The following MYBPC2 variants were observed in gnomAD, a reference collection of about 807,000 sequenced individuals.
The protein encoded by MYBPC2 is myosin-binding protein C, fast-type.
Under a neutral mutation model 137.0 loss-of-function variants are expected in MYBPC2, and 122 were observed. That is an observed-to-expected ratio of 0.89 (90% CI 0.77 to 1.03). The LOEUF (loss-of-function observed/expected upper bound fraction) is 1.03. MYBPC2 is among the 50% of genes least tolerant of loss of function. The pLI is 0.00. For synonymous variants in MYBPC2, 626 were observed against 612.3 expected (o/e 1.02, Z -0.33); for missense variants, 1,500 against 1,534.4 (o/e 0.98, Z 0.37).
chr19:50,439,491 C>G (rs10414400), intron 7 of MYBPC2, among the ~76,000 whole-genome samples: 4,723 of 151,664 alleles, frequency 0.031, 255 homozygotes, highest in African/African-American at 0.11. Context: ...CACTCACTCT[C>G]TCACCCATCA....
In MYBPC2 at chr19:50,440,947, AT is replaced by A; in HGVS notation, c.643del (p.Trp215GlyfsTer4). The A allele has an allele frequency of 6.2e-7, 1 of 1,613,874 alleles. No homozygotes were observed. The highest frequency in any genetic ancestry group is 1.6e-4 in the Middle Eastern group (1 of 6,062). ...CGATGACCTAGGCATCCCCCCGGAG[AT>A]TTGGGAGCTCCTGAAAGGGGCAAAG... ...DDDDLGIPPE[I>X]WELLKGAKKS... On this transcript the variant is annotated frameshift_variant, in exon 8 of 28. Transcript: ENST00000357701. LOFTEE classifies it high-confidence loss of function.
rs1222271317 is a variant in MYBPC2, at chr19:50,466,022, G to C, written c.3416-173G>C. Among the ~76,000 whole-genome samples, 19 of 152,160 alleles carry C rather than the reference G, an allele frequency of 1.2e-4. No individual in the cohort carries two copies. Among genetic ancestry groups the C allele is most frequent in the Non-Finnish European group, 2.9e-5 (2 of 68,028 alleles). Reference sequence around the variant, plus strand: ...TCCCCATCTGGGATCCAAAATACCAGTAATCAGGAGCACTGTGACTCTGGG... The same window carrying C: ...TCCCCATCTGGGATCCAAAATACCACTAATCAGGAGCACTGTGACTCTGGG... On this transcript the variant is annotated intron_variant, in intron 27 of 27. Coordinates refer to ENST00000357701, the MANE Select transcript of MYBPC2 (RefSeq NM_004533.4). The surrounding 1 kb of genome is among the most constrained non-coding windows in gnomAD (Gnocchi z 4.9).
Position 50,464,389 on chromosome 19 carries a change from A to G in MYBPC2, c.3272A>G (p.Asp1091Gly), listed in dbSNP as rs1249885313. ...WMKNKMEIREDPKFLITNYQG... is the reference protein window; with the variant it reads ...WMKNKMEIREGPKFLITNYQG... ...AAGAACAAGATGGAAATCCGTGAAGATCCCAAGTTCCTGATAACCAATTAC... is the reference window on the plus strand; with the variant it reads ...AAGAACAAGATGGAAATCCGTGAAGGTCCCAAGTTCCTGATAACCAATTAC... Residue 1091 changes from aspartate to glycine, a missense_variant, in exon 27 of 28, where the codon GAT becomes GGT. Asp to Gly is a moderately conservative substitution (Grantham distance 94, BLOSUM62 -1). Transcript: ENST00000357701. 1 of 1,611,130 alleles carries G rather than the reference A, an allele frequency of 6.2e-7. No homozygotes were observed. Among genetic ancestry groups the G allele is most frequent in the East Asian group, 2.2e-5 (1 of 44,838 alleles).
At chr19:50,450,081 C>T (rs2039842460) in intron 13 of MYBPC2, among the ~76,000 whole-genome samples, 1 of 152,038 alleles carries the variant, frequency 6.6e-6, no homozygotes, top group Non-Finnish European at 1.5e-5. Flanking sequence ...CATTTGAACC[C>T]AGGAGGGGGA....
Position 50,435,705 on chromosome 19 carries a change from C to T in MYBPC2, c.110-71C>T. On this transcript the variant is annotated intron_variant, in intron 2 of 27. Transcript: ENST00000357701. This position sits in a 1 kb window ranked among gnomAD's most constrained non-coding sequence, Gnocchi z 4.8. ...GCCCTCACTGTCTCTAAGTCCTTTC[C>T]CCAAAGCGGCCCACTGTCCCCTCCC... 7.6e-7 allele frequency: 1 copy of T among 1,318,902 alleles called. No homozygotes were observed. The highest frequency in any genetic ancestry group is 1.0e-6 in the Non-Finnish European group (1 of 959,122). The allele number at this position is 1,318,902 out of a possible 1,614,324, so 81.7% of individuals were successfully genotyped here. A position where few individuals can be genotyped will look rare whatever the true frequency, so the allele number is the denominator to read the frequency against.
chr19:50,440,674 AAACC>A (rs2039744731), intron 7 of MYBPC2, among the ~76,000 whole-genome samples: 1 of 151,160 alleles, frequency 6.6e-6, no homozygotes, highest in African/African-American at 2.4e-5. Context: ...AAAAAAAAAA[AAACC>A]AAAAAACCCA....
Position 50,450,918 on chromosome 19 carries a change from C to T in MYBPC2, c.1562C>T (p.Ala521Val). Reference protein sequence around the residue: ...VPDGYALSLSAKLNFLEIKVE... With the variant: ...VPDGYALSLSVKLNFLEIKVE... The stretch of plus-strand genomic sequence containing the variant: ...GACGGCTACGCCCTGTCGCTCTCGG[C>T]CAAGCTCAACTTCCTGGGTGAGGAT... Residue 521 changes from alanine to valine, a missense_variant, in exon 14 of 28, where the codon GCC (alanine) becomes GTC (valine). Physicochemically the swap from Ala to Val is moderately conservative, Grantham distance 64. Transcript: ENST00000357701. 4.5e-6 allele frequency: 7 copies of T among 1,568,824 alleles called. No homozygotes were observed. Among genetic ancestry groups the T allele is most frequent in the Non-Finnish European group, 6.0e-6 (7 of 1,157,222 alleles).
intron 16 of MYBPC2, among the ~76,000 whole-genome samples, chr19:50,453,440 G>A (rs1287301444): frequency 6.6e-6 from 1 of 152,226 alleles, no homozygotes. Context: ...CCTGAAGGAT[G>A]AGGAAGAGCT....
intron 20 of MYBPC2, among the ~76,000 whole-genome samples, chr19:50,456,229 T>TCATCCATCCATC (rs143679406): frequency 1.4e-5 from 2 of 144,828 alleles, no homozygotes; most frequent in Non-Finnish European, 3.0e-5. Context: ...TTCCATCTAT[T>TCATCCATCCATC]CATCCATCCA....
Position 50,458,973 on chromosome 19 carries a change from G to C in MYBPC2, c.2562G>C (p.Val854=). ...RHLRQTYIRK[V]GEQLNLVVPF... ...TCCGCCAGACCTACATCCGCAAAGT[G>C]GGCGAGCAGCTCAACCTTGTCGTCC... The change falls in exon 22 of 28, where the codon GTG becomes GTC. Residue 854 remains valine, a synonymous_variant. Coordinates refer to ENST00000357701, the MANE Select transcript of MYBPC2 (RefSeq NM_004533.4). The C allele has an allele frequency of 6.2e-7, 1 of 1,612,746 alleles. No homozygotes were observed. Among genetic ancestry groups the C allele is most frequent in the Admixed American group, 1.7e-5 (1 of 59,972 alleles).
rs774261811 is a variant in MYBPC2 at position 50,432,916 on chromosome 19, G to GC, written c.-37dup. On this transcript the variant is annotated 5_prime_UTR_variant, in exon 1 of 28. Coordinates refer to ENST00000357701, the MANE Select transcript of MYBPC2 (RefSeq NM_004533.4). The surrounding 1 kb of genome is among the most constrained non-coding windows in gnomAD (Gnocchi z 5.5). Reference sequence around the variant, plus strand: ...TGTCCTCCCTAGGGCCTAGCGGGACGCGGCTGCGGTCAGAGGAGCAGGAGG... The same window carrying GC: ...TGTCCTCCCTAGGGCCTAGCGGGACGCCGGCTGCGGTCAGAGGAGCAGGAGG... The GC allele has an allele frequency of 7.3e-5, 117 of 1,602,166 alleles. No homozygotes were observed. The highest frequency in any genetic ancestry group is 5.2e-4 in the Admixed American group (31 of 59,090).
rs1055211701 is a variant in MYBPC2 at position 50,435,291 on chromosome 19, C to T, written c.109+41C>T. ...CTCGGGCTCAACCGACCTGGCTTCTCATCTCCATCCTCCTCGCTACGCCTC... is the reference window on the plus strand; with the variant it reads ...CTCGGGCTCAACCGACCTGGCTTCTTATCTCCATCCTCCTCGCTACGCCTC... On this transcript the variant is annotated intron_variant, in intron 2 of 27. Transcript: ENST00000357701. This position sits in a 1 kb window ranked among gnomAD's most constrained non-coding sequence, Gnocchi z 4.8. 2 of 742,390 alleles carry T rather than the reference C, an allele frequency of 2.7e-6. No individual in the cohort carries two copies. Among genetic ancestry groups the T allele is most frequent in the Non-Finnish European group, 4.9e-6 (2 of 408,144 alleles). The allele number at this position is 742,390 out of a possible 1,614,324, so 46.0% of individuals were successfully genotyped here. A position where few individuals can be genotyped will look rare whatever the true frequency, so the allele number is the denominator to read the frequency against.
At chr19:50,441,892 A>G (rs1255961855) in intron 8 of MYBPC2, among the ~76,000 whole-genome samples, 1 of 151,666 alleles carries the variant, frequency 6.6e-6, no homozygotes, top group East Asian at 1.9e-4. Context: ...AATAAAATAA[A>G]TAAATAAAAA....
rs1236232310 is a variant in MYBPC2, at chr19:50,466,258, C to G, written c.*53C>G. ...TGGTGGTGGAGTCCTGACCCCAATCCCCAACCTCCCAGGACTGTGTTCTTT... is the reference window on the plus strand; with the variant it reads ...TGGTGGTGGAGTCCTGACCCCAATCGCCAACCTCCCAGGACTGTGTTCTTT... On this transcript the variant is annotated 3_prime_UTR_variant, in exon 28 of 28. Coordinates refer to ENST00000357701, the MANE Select transcript of MYBPC2 (RefSeq NM_004533.4). This position sits in a 1 kb window ranked among gnomAD's most constrained non-coding sequence, Gnocchi z 4.9. 3.1e-6 allele frequency: 5 copies of G among 1,611,772 alleles called. No homozygotes were observed. In the East Asian group the frequency reaches 1.1e-4, roughly 36 times the overall value.
At position 50,435,836 on chromosome 19, in the gene MYBPC2, A is replaced by G. The variant is rs750943934; in HGVS notation, c.170A>G (p.Lys57Arg). 7.5e-6 allele frequency: 12 copies of G among 1,606,212 alleles called. No homozygotes were observed. The Admixed American group carries it at 2.0e-4, about 27-fold the overall frequency. Residue 57 changes from lysine to arginine, a missense_variant, in exon 3 of 28, where the codon AAG becomes AGG. Coordinates refer to ENST00000357701, the MANE Select transcript of MYBPC2 (RefSeq NM_004533.4). This position sits in a 1 kb window ranked among gnomAD's most constrained non-coding sequence, Gnocchi z 4.8. ...GAGCCCACCGGCGTTTTCCTGAAGAAGCCGGACTCCGTCTCAGTGGAGACT... is the reference window on the plus strand; with the variant it reads ...GAGCCCACCGGCGTTTTCCTGAAGAGGCCGGACTCCGTCTCAGTGGAGACT... The part of the protein sequence containing the change: ...AEEPTGVFLK[K>R]PDSVSVETGK...
At chr19:50,444,226 C>G (rs185287378) in intron 11 of MYBPC2, among the ~76,000 whole-genome samples, 1 of 150,908 alleles carries the variant, frequency 6.6e-6, no homozygotes, top group East Asian at 2.0e-4. Context: ...ATCCACTCAT[C>G]CATCCATCCA....
At chr19:50,441,122 C>A in intron 8 of MYBPC2, 46 bp downstream of exon 8, 1 of 1,498,956 alleles carries the variant, frequency 6.7e-7, no homozygotes, top group Non-Finnish European at 8.9e-7. Context: ...ACAAGGGACC[C>A]CTAGCCTTGT....
In MYBPC2 at chr19:50,461,602, G is replaced by A. The variant is rs199724633; in HGVS notation, c.2992G>A (p.Val998Met). 4.5e-4 allele frequency: 731 copies of A among 1,613,576 alleles called. 4 individuals are homozygous for A. Among genetic ancestry groups the A allele is most frequent in the South Asian group, 1.3e-3 (115 of 90,980 alleles). Residue 998 changes from valine to methionine, a missense_variant, in exon 25 of 28, where the codon GTG becomes ATG. Coordinates refer to ENST00000357701, the MANE Select transcript of MYBPC2 (RefSeq NM_004533.4). Reference sequence around the variant, plus strand: ...TAGCTGTACTGTGTCCGACCTTATCGTGGGCAATGAATACTATTTCCGAGT... The same window carrying A: ...TAGCTGTACTGTGTCCGACCTTATCATGGGCAATGAATACTATTTCCGAGT... ...HTSCTVSDLI[V>M]GNEYYFRVYT...
chr19:50,457,186 G>A (rs969470657), intron 20 of MYBPC2, among the ~76,000 whole-genome samples: 5 of 152,120 alleles, frequency 3.3e-5, no homozygotes, highest in African/African-American at 1.2e-4. Context: ...GCATGGAAAG[G>A]AGGGATGGTT....
Sources: gnomAD v4.1 joint callset for allele counts (sites outside exome capture counted in the v4.1 genomes callset) on GRCh38, gnomAD v4.1.1 for gene constraint, Gnocchi (gnomAD v3.1) non-coding constraint, MANE v1.5 for transcripts, NCBI Gene and HGNC (gene_info 2026-07-23, HGNC 2026-07-21) for gene names.